Variants in DLG5 observed in about 807,000 individuals in gnomAD.
DLG5 encodes discs large MAGUK scaffold protein 5, also known as disks large homolog 5.
Under a neutral mutation model 189.8 loss-of-function variants are expected in DLG5, and 48 were observed. The observed-to-expected ratio is 0.25, with a 90% CI of 0.20 to 0.32. The LOEUF (loss-of-function observed/expected upper bound fraction) is 0.32, where lower values mean the gene tolerates loss of function less well. Ranked by LOEUF, DLG5 falls within the 10% of genes least tolerant of loss-of-function variation. DLG5 has a pLI of 1.00. For synonymous variants in DLG5, 1,016 were observed against 1,054.1 expected, an observed-to-expected ratio of 0.96 and a Z score of 0.70; for missense variants, 2,160 against 2,544.7, an observed-to-expected ratio of 0.85 and a Z score of 3.25.
chr10:77,822,421 G>A (rs10430528), intron 14 of DLG5, among the ~76,000 whole-genome samples: 43,603 of 152,008 alleles, frequency 0.29, 6,615 homozygotes, highest in Non-Finnish European at 0.35. Flanking sequence ...TGAGGCAGGC[G>A]GGTCACGAGG....
intron 6 of DLG5, 126 bp from the exon 7 acceptor site, chr10:77,842,319 A>G (rs1589197642): frequency 8.8e-7 from 1 of 1,135,020 alleles, no homozygotes; most frequent in East Asian, 2.5e-5. Context: ...AAGTGAAGTC[A>G]CTCTCTCCAC....
chr10:77,913,813 T>C (rs1846289582), intron 1 of DLG5, among the ~76,000 whole-genome samples: 1 of 152,096 alleles, frequency 6.6e-6, no homozygotes, highest in South Asian at 2.1e-4. Flanking sequence ...GGTCTCAAAC[T>C]CCTGGGCTCA....
At position 77,806,981 on chromosome 10, in the gene DLG5, G is replaced by A. The variant is rs1171069031; in HGVS notation, c.4797-53C>T. The A allele has an allele frequency of 6.3e-6, 10 of 1,576,066 alleles. No homozygotes were observed. The African/African-American group carries it at 8.1e-5, about 13-fold the overall frequency. On this transcript the variant is annotated intron_variant, in intron 25 of 31. Transcript: ENST00000372391. ...TCAGGCGGCTCTGGCCACCAAGGAC[G>A]AACCAGGTGCCTTCTGTGGCCAGGC... is the stretch of plus-strand genomic sequence containing the variant.
intron 24 of DLG5, among the ~76,000 whole-genome samples, chr10:77,809,288 C>T (rs1286843861): frequency 5.9e-5 from 9 of 151,958 alleles, no homozygotes; most frequent in Admixed American, 5.3e-4. Context: ...TGCCTGTAGT[C>T]CCAGCTACTC....
chr10:77,901,836 T>C (rs1845936947), intron 1 of DLG5, among the ~76,000 whole-genome samples: 1 of 152,156 alleles, frequency 6.6e-6, no homozygotes, highest in Non-Finnish European at 1.5e-5. Context: ...CTCTCTGTCC[T>C]GACCCACTTC....
At chr10:77,878,997 G>C (rs1030854319) in intron 1 of DLG5, among the ~76,000 whole-genome samples, 1 of 152,232 alleles carries the variant, frequency 6.6e-6, no homozygotes, top group Non-Finnish European at 1.5e-5. Context: ...GGATGCAGCA[G>C]GAAGCAAGAT....
At chr10:77,816,509 T>C in intron 20 of DLG5, 42 bp downstream of exon 20, 1 of 1,613,648 alleles carries the variant, frequency 6.2e-7, no homozygotes, top group Non-Finnish European at 8.5e-7. Flanking sequence ...ATGCACACTG[T>C]CCACTGGTTT....
At position 77,812,009 on chromosome 10, in the gene DLG5, T is replaced by C; in HGVS notation, c.4237A>G (p.Ile1413Val). The C allele has an allele frequency of 6.2e-7, 1 of 1,611,334 alleles. No individual in the cohort carries two copies. Among genetic ancestry groups the C allele is most frequent in the South Asian group, 1.1e-5 (1 of 91,072 alleles). ...RSATEQQARLIIGQQCDTITI... is the reference protein window; with the variant it reads ...RSATEQQARLVIGQQCDTITI... ...ATGGTATCACACTGCTGCCCGATGA[T>C]GAGCCGCGCCTGCTGCTCCGTGGCG... The change falls in exon 22 of 32, where the codon ATC (isoleucine) becomes GTC (valine). Residue 1413 changes from isoleucine to valine, a missense_variant. This residue lies in a region of DLG5 where 61 missense variants were observed against 101.0 expected (regional missense o/e 0.60). Coordinates refer to ENST00000372391, the MANE Select transcript of DLG5 (RefSeq NM_004747.4).
upstream of DLG5, chr10:77,927,055 C>G: frequency 8.9e-6 from 2 of 224,612 alleles, no homozygotes; most frequent in Non-Finnish European, 1.8e-5. Context: ...CTCACCGGGG[C>G]CCCGCGGCCG....
At chr10:77,931,985 T>G in the DLG5 span, among the ~76,000 whole-genome samples, 2 of 152,142 alleles carry the variant, frequency 1.3e-5, no homozygotes, top group Non-Finnish European at 2.9e-5. Context: ...GCATATAAAC[T>G]CCCTAATGTT....
intron 2 of DLG5, among the ~76,000 whole-genome samples, chr10:77,866,099 C>T (rs570433660): frequency 2.6e-5 from 4 of 152,264 alleles, no homozygotes; most frequent in South Asian, 2.1e-4. Context: ...CCTGCCAGGG[C>T]GGTGTGTGCT....
chr10:77,925,449 G>C (rs1001858144), intron 1 of DLG5, among the ~76,000 whole-genome samples: 4 of 152,156 alleles, frequency 2.6e-5, no homozygotes, highest in Non-Finnish European at 5.9e-5. Flanking sequence ...GCCAGTATCC[G>C]TTCCTGCACC....
intron 1 of DLG5, among the ~76,000 whole-genome samples, chr10:77,896,408 G>A (rs1440092813): frequency 1.3e-5 from 2 of 152,208 alleles, no homozygotes; most frequent in Admixed American, 6.5e-5. Flanking sequence ...AATAATGGTG[G>A]TGTGTCATGT....
At chr10:77,810,033 C>T (rs1603641180) in intron 23 of DLG5, among the ~76,000 whole-genome samples, 1 of 152,178 alleles carries the variant, frequency 6.6e-6, no homozygotes, top group Admixed American at 6.5e-5. Flanking sequence ...GGATGGCCTC[C>T]CTCCCATGTG....
chr10:77,830,517 G>T (rs1219150484), intron 10 of DLG5, among the ~76,000 whole-genome samples, 173 bp from the exon 11 acceptor site: 2 of 152,126 alleles, frequency 1.3e-5, no homozygotes, highest in African/African-American at 2.4e-5. Context: ...TGCCCCTTCT[G>T]GCCACTGCAG....
At chr10:77,820,806 T>C (rs565722391) in intron 15 of DLG5, 107 of 477,872 alleles carry the variant, frequency 2.2e-4, no homozygotes, top group African/African-American at 1.8e-3. Flanking sequence ...CTAGGTTTTA[T>C]TGTGTAAGTT....
chr10:77,870,968 G>A (rs1844874711), intron 1 of DLG5, among the ~76,000 whole-genome samples: 1 of 151,898 alleles, frequency 6.6e-6, no homozygotes, highest in African/African-American at 2.4e-5. Context: ...GAGATGAAGG[G>A]GGAGAGAAAA....
intron 2 of DLG5, among the ~76,000 whole-genome samples, chr10:77,859,485 T>G (rs141109380): frequency 6.6e-6 from 1 of 152,346 alleles, no homozygotes; most frequent in Non-Finnish European, 1.5e-5. Flanking sequence ...TCTTTTATTC[T>G]GTACTGTTGC....
At chr10:77,892,429 T>G (rs1372382936) in intron 1 of DLG5, among the ~76,000 whole-genome samples, 3 of 152,218 alleles carry the variant, frequency 2.0e-5, no homozygotes, top group African/African-American at 7.2e-5. Flanking sequence ...TCATAAAATT[T>G]TGGTTGACAC....
Sources: gnomAD v4.1 joint callset for allele counts (sites outside exome capture counted in the v4.1 genomes callset) on GRCh38, gnomAD v4.1.1 for gene constraint, gnomAD v4.1.1 regional missense constraint, MANE v1.5 for transcripts, NCBI Gene and HGNC (gene_info 2026-07-23, HGNC 2026-07-21) for gene names.